The following AP3S2 variants were observed in gnomAD, a reference collection of about 807,000 sequenced individuals.
AP3S2 encodes the protein adaptor related protein complex 3 subunit sigma 2.
AP3S2 carries 22 observed loss-of-function variants against 23.4 expected under a neutral mutation model. The ratio of observed to expected loss-of-function variants is 0.94; its 90% CI spans 0.67 to 1.34. The LOEUF (loss-of-function observed/expected upper bound fraction) is 1.34. AP3S2 is among the 40% of genes most tolerant of loss of function. The pLI is 0.00. For missense variants in AP3S2, 241 were observed against 236.9 expected (o/e 1.02, Z -0.11); for synonymous variants, 86 against 87.1 (o/e 0.99, Z 0.07).
intron 4 of AP3S2, among the ~76,000 whole-genome samples, chr15:89,854,520 G>A (rs1358938379): frequency 3.5e-5 from 2 of 56,396 alleles, no homozygotes; most frequent in African/African-American, 6.2e-5. Context: ...GGAGGGAGGT[G>A]GGGGGGGTCA....
intron 4 of AP3S2, among the ~76,000 whole-genome samples, chr15:89,863,950 C>T (rs1292815588): frequency 6.6e-6 from 1 of 152,190 alleles, no homozygotes; most frequent in East Asian, 1.9e-4. Context: ...CAAAGATAAG[C>T]TTGAAATCCT....
chr15:89,845,363 G>A (rs2141843517), intron 4 of AP3S2: 1 of 152,360 alleles, frequency 6.6e-6, no homozygotes, highest in Middle Eastern at 3.4e-3. Flanking sequence ...CAATGGATGA[G>A]CGAACAGCTG....
chr15:89,890,583 G>A (rs1465396682), intron 1 of AP3S2, among the ~76,000 whole-genome samples: 1 of 152,140 alleles, frequency 6.6e-6, no homozygotes, highest in Non-Finnish European at 1.5e-5. Flanking sequence ...TACAGATTCG[G>A]ATTTAGCAGG....
intron 4 of AP3S2, among the ~76,000 whole-genome samples, chr15:89,868,231 G>A (rs1158421138): frequency 3.7e-3 from 172 of 46,138 alleles, no homozygotes; most frequent in African/African-American, 0.012. Context: ...TCAGCCCTCC[G>A]CCCGGCCAGC....
chr15:89,878,206 T>C (rs1896488015), intron 3 of AP3S2: 10 of 628,302 alleles, frequency 1.6e-5, no homozygotes, highest in South Asian at 1.4e-4. Flanking sequence ...ATAATAAAAA[T>C]GGTTTTCTCC....
chr15:89,891,858 C>A (rs911596283), intron 1 of AP3S2, among the ~76,000 whole-genome samples: 1 of 152,088 alleles, frequency 6.6e-6, no homozygotes, highest in Non-Finnish European at 1.5e-5. Context: ...ACCACAGTTA[C>A]CATATGATCC....
intron 3 of AP3S2, among the ~76,000 whole-genome samples, chr15:89,881,820 T>C (rs1043541440): frequency 6.6e-6 from 1 of 152,010 alleles, no homozygotes; most frequent in African/African-American, 2.4e-5. Context: ...TAACATACTC[T>C]TCATTTTTTT....
intron 3 of AP3S2, among the ~76,000 whole-genome samples, chr15:89,882,937 G>C (rs983662425): frequency 6.6e-6 from 1 of 152,118 alleles, no homozygotes; most frequent in Admixed American, 6.6e-5. Flanking sequence ...TTTTCCATTT[G>C]ATGTATTGCT....
rs1213509627 is a variant in AP3S2, at chr15:89,832,150, A to C, written c.*3365T>G. ...TTTATTAGTGGCAGTGAGCACTGAA[A>C]ACCCAGTATTTGGCCAGGTCCAGTG... is the stretch of plus-strand genomic sequence containing the variant. On this transcript the variant is annotated 3_prime_UTR_variant, in exon 6 of 6. Transcript: ENST00000336418. 3 of 152,200 alleles carry C rather than the reference A, an allele frequency of 2.0e-5. No homozygotes were observed. Among genetic ancestry groups the C allele is most frequent in the African/African-American group, 7.2e-5 (3 of 41,450 alleles). 9.4% of individuals were successfully genotyped at this position (152,200 alleles called of 1,614,324 possible).
At position 89,856,104 on chromosome 15, in the gene AP3S2, G is replaced by A. The variant is rs145482475; in HGVS notation, c.345+15371C>T. On this transcript the variant is annotated intron_variant, in intron 4 of 5. Transcript: ENST00000336418. ...GAAGCCCACAAAGGCAATTCATGCA[G>A]AATCCCACTTGAGGAACACAGGGTT... 1.6e-3 allele frequency among the ~76,000 whole-genome samples: 249 copies of A among 152,256 alleles called. 1 individual carries two copies. Among genetic ancestry groups the A allele is most frequent in the Non-Finnish European group, 1.0e-3 (71 of 68,028 alleles).
At chr15:89,835,710 AAAAAAAAAAAAAGCAAAAAC>A (rs1461579931) in intron 5 of AP3S2, 67 bp from the exon 6 acceptor site, 11 of 1,499,120 alleles carry the variant, frequency 7.3e-6, no homozygotes, top group Non-Finnish European at 9.8e-6. Context: ...CTAAAAAAAA[AAAAAAAAAAAAAGCAAAAAC>A]AAAAACAAAC....
intron 1 of AP3S2, among the ~76,000 whole-genome samples, chr15:89,891,809 G>A (rs1443481954): frequency 6.6e-6 from 1 of 152,092 alleles, no homozygotes; most frequent in East Asian, 1.9e-4. Flanking sequence ...CAGCCACTTG[G>A]AAAATTTGTC....
intron 4 of AP3S2, among the ~76,000 whole-genome samples, chr15:89,859,349 CTTCTTTCCTTCCT>C (rs1210219707): frequency 0.016 from 2,115 of 131,840 alleles, 69 homozygotes; most frequent in African/African-American, 0.059. Context: ...TCCTTCCTTC[CTTCTTTCCTTCCT>C]TTCCTTCCTT....
At chr15:89,883,654 T>C (rs1211913438) in intron 3 of AP3S2, among the ~76,000 whole-genome samples, 1 of 152,044 alleles carries the variant, frequency 6.6e-6, no homozygotes, top group East Asian at 1.9e-4. Flanking sequence ...GTTGGGACTA[T>C]AGGTATGAGC....
rs541620856 is a variant in AP3S2, at chr15:89,875,349, G to C, written c.274-3803C>G. Among the ~76,000 whole-genome samples, 9 of 152,326 alleles carry C rather than the reference G, an allele frequency of 5.9e-5. No individual in the cohort carries two copies. The South Asian group carries it at 1.9e-3, about 32-fold the overall frequency. ...CTAGCCCCAGAAAAAGACATCCCCA[G>C]ATAGTGGGTGGAAAAAGAACTGTCA... On this transcript the variant is annotated intron_variant, in intron 3 of 5. Transcript: ENST00000336418.
At chr15:89,844,259 CTT>C (rs1218548972) in intron 4 of AP3S2, among the ~76,000 whole-genome samples, 45 of 23,468 alleles carry the variant, frequency 1.9e-3, no homozygotes, top group African/African-American at 4.6e-3. Context: ...TTCTTTCTTT[CTT>C]TCTTTCTTTC....
intron 4 of AP3S2, among the ~76,000 whole-genome samples, chr15:89,847,275 T>C (rs1895516342): frequency 6.8e-6 from 1 of 146,198 alleles, no homozygotes; most frequent in Non-Finnish European, 1.5e-5. Flanking sequence ...TTCCAGCTAC[T>C]CGGTAGGCTG....
At chr15:89,878,083 A>G (rs1033235203) in intron 3 of AP3S2, among the ~76,000 whole-genome samples, 5 of 152,174 alleles carry the variant, frequency 3.3e-5, no homozygotes, top group Non-Finnish European at 7.3e-5. Flanking sequence ...TTTGTACTTA[A>G]CCTTGTACAG....
At chr15:89,882,835 A>T (rs1245546520) in intron 3 of AP3S2, among the ~76,000 whole-genome samples, 1 of 152,206 alleles carries the variant, frequency 6.6e-6, no homozygotes, top group Non-Finnish European at 1.5e-5. Flanking sequence ...TTTCCCTAGA[A>T]ATATACTTCT....
Sources: gnomAD v4.1 joint callset for allele counts (sites outside exome capture counted in the v4.1 genomes callset) on GRCh38, gnomAD v4.1.1 for gene constraint, MANE v1.5 for transcripts, NCBI Gene and HGNC (gene_info 2026-07-23, HGNC 2026-07-21) for gene names.